The following SCRIB variants were observed in gnomAD, a reference collection of about 807,000 sequenced individuals.
The protein encoded by SCRIB is scribble planar cell polarity protein, also known as protein scribble homolog.
In SCRIB, 72 loss-of-function variants were observed where a neutral mutation model predicts 170.0. The ratio of observed to expected loss-of-function variants is 0.42; its 90% CI spans 0.35 to 0.52. The LOEUF (loss-of-function observed/expected upper bound fraction) is 0.52, where lower values mean the gene tolerates loss of function less well. SCRIB is among the 20% of genes least tolerant of loss of function. The pLI is 0.02. For missense variants in SCRIB, 2,475 were observed against 2,338.5 expected, an observed-to-expected ratio of 1.06 and a Z score of -1.20; for synonymous variants, 1,298 against 1,044.3, an observed-to-expected ratio of 1.24 and a Z score of -4.68.
chr8:143,815,758 T>G lies in SCRIB; in HGVS notation c.-386A>C, dbSNP rs1222812293. The G allele has an allele frequency of 1.0e-6, 1 of 983,286 alleles. No homozygotes were observed. The highest frequency in any genetic ancestry group is 1.8e-5 in the African/African-American group (1 of 56,658). 60.9% of individuals were successfully genotyped at this position (983,286 alleles called of 1,614,324 possible). A position where few individuals can be genotyped will look rare whatever the true frequency, so the allele number is the denominator to read the frequency against. On this transcript the variant is annotated 5_prime_UTR_variant, in exon 1 of 37. Coordinates refer to ENST00000356994, the MANE Select transcript of SCRIB (RefSeq NM_182706.5). ...ACCCACCCGGCCGCCGCGCAGCCCG[T>G]CGGGAAGCCGAGTCCGGCCCTCGCC...
chr8:143,793,600 A>C, intron 28 of SCRIB: 1 of 398,478 alleles, frequency 2.5e-6, no homozygotes, highest in East Asian at 3.9e-5. Context: ...GCAGGCAGGG[A>C]TAAGGTGGGC....
At position 143,792,572 on chromosome 8, in the gene SCRIB, G is replaced by A. The variant is rs781954662; in HGVS notation, c.4241C>T (p.Ala1414Val). Residue 1414 changes from alanine to valine, a missense_variant, in exon 31 of 37, where the codon GCG becomes GTG. By Grantham distance (64) the Ala-to-Val change is moderately conservative. Transcript: ENST00000356994. ...LREAAEAGAE[A>V]RLALDGETLG... ...CGTCTCCCCGTCCAGGGCGAGCCTC[G>A]CTTCGGCCCCAGCCTCTGCCGCCTC... 17 of 1,577,704 alleles carry A rather than the reference G, an allele frequency of 1.1e-5. No individual in the cohort carries two copies. The highest frequency in any genetic ancestry group is 6.8e-5 in the East Asian group (3 of 43,814).
chr8:143,803,082 T>G (rs1204220984), intron 24 of SCRIB, among the ~76,000 whole-genome samples: 2 of 152,156 alleles, frequency 1.3e-5, no homozygotes, highest in African/African-American at 4.8e-5. Flanking sequence ...GTGCTCAGCT[T>G]CTTTTAGGAC....
chr8:143,792,599 C>A lies in SCRIB; in HGVS notation c.4214G>T (p.Arg1405Leu). The change falls in exon 31 of 37, where the codon CGG becomes CTG. Residue 1405 changes from arginine to leucine, a missense_variant. By Grantham distance (102) the Arg-to-Leu change is moderately radical. Transcript: ENST00000356994. Reference sequence around the variant, plus strand: ...TTCGGCCCCAGCCTCTGCCGCCTCCCGCAGCATCTGCGCTCTCTTCTGCTG... The same window carrying A: ...TTCGGCCCCAGCCTCTGCCGCCTCCAGCAGCATCTGCGCTCTCTTCTGCTG... ...KLQQKRAQML[R>L]EAAEAGAEAR... 1 of 1,590,732 alleles carries A rather than the reference C, an allele frequency of 6.3e-7. No homozygotes were observed. Among genetic ancestry groups the A allele is most frequent in the East Asian group, 2.2e-5 (1 of 44,502 alleles).
At chr8:143,791,952 C>T (rs781925289) in intron 33 of SCRIB, 39 bp from the exon 34 acceptor site, 134 of 1,493,374 alleles carry the variant, frequency 9.0e-5, no homozygotes, top group South Asian at 1.8e-4. Flanking sequence ...GCAGCCCATG[C>T]GGCAGGCTGA....
In SCRIB at chr8:143,803,905, C is replaced by T. The variant is rs1554635662; in HGVS notation, c.3156G>A (p.Leu1052=). The T allele has an allele frequency of 1.9e-6, 3 of 1,590,642 alleles. No individual in the cohort carries two copies. The highest frequency in any genetic ancestry group is 1.8e-5 in the Admixed American group (1 of 55,826). The change falls in exon 23 of 37, where the codon CTG becomes CTA. Residue 1052 remains leucine (L), a synonymous_variant. Transcript: ENST00000356994. ...LPRGLAARSG[L]RVGDRILAVN... Reference sequence around the variant, plus strand: ...CTGCCAGGATGCGGTCCCCAACCCGCAGGCCGCTGCGAGCGGCCAGGCCCC... The same window carrying T: ...CTGCCAGGATGCGGTCCCCAACCCGTAGGCCGCTGCGAGCGGCCAGGCCCC...
In SCRIB at chr8:143,812,806, G is replaced by A. The variant is rs866052462; in HGVS notation, c.787+11C>T. 25 of 1,596,154 alleles carry A rather than the reference G, an allele frequency of 1.6e-5. No homozygotes were observed. Among genetic ancestry groups the A allele is most frequent in the East Asian group, 2.2e-5 (1 of 44,782 alleles). ...CGTGTGCCCCACCCAGGCACCCCCA[G>A]GCACACTAACCGATGCCGTCGGGCA... On this transcript the variant is annotated intron_variant, in intron 8 of 36. Transcript: ENST00000356994.
chr8:143,794,131 G>A lies in SCRIB; in HGVS notation c.3847-169C>T, dbSNP rs531426216. 1.3e-5 allele frequency: 8 copies of A among 621,260 alleles called. No individual in the cohort carries two copies. In the Admixed American group the frequency reaches 1.4e-4, roughly 11 times the overall value. 38.5% of individuals were successfully genotyped at this position (621,260 alleles called of 1,614,324 possible). A position where few individuals can be genotyped will look rare whatever the true frequency, so the allele number is the denominator to read the frequency against. ...ACACTCGGTCAGCACGGAGGGGCTCGTCCCCGTTCCCACAGGATGCGGGGG... is the reference window on the plus strand; with the variant it reads ...ACACTCGGTCAGCACGGAGGGGCTCATCCCCGTTCCCACAGGATGCGGGGG... On this transcript the variant is annotated intron_variant, in intron 27 of 36. Coordinates refer to ENST00000356994, the MANE Select transcript of SCRIB (RefSeq NM_182706.5).
In SCRIB at chr8:143,812,899, C is replaced by A; in HGVS notation, c.705G>T (p.Leu235=). The A allele has an allele frequency of 1.2e-6, 2 of 1,611,528 alleles. No individual in the cohort carries two copies. Among genetic ancestry groups the A allele is most frequent in the South Asian group, 2.2e-5 (2 of 91,060 alleles). ...GCACCAGCCCGCCGAGCTCAGCAGGCAGCTCCTCCAGCCGGTTTTCCGACA... is the reference window on the plus strand; with the variant it reads ...GCACCAGCCCGCCGAGCTCAGCAGGAAGCTCCTCCAGCCGGTTTTCCGACA... ...LDVSENRLEE[L]PAELGGLVLL... The change falls in exon 8 of 37, where the codon CTG becomes CTT. Residue 235 remains leucine, a synonymous_variant. Transcript: ENST00000356994.
chr8:143,791,353 C>G, intron 36 of SCRIB, 36 bp downstream of exon 36: 1 of 1,598,816 alleles, frequency 6.3e-7, no homozygotes, highest in Non-Finnish European at 8.5e-7. Flanking sequence ...GGCAGCTGGG[C>G]TCCTGGGAGC....
rs782668363 is a variant in SCRIB at position 143,792,116 on chromosome 8, T to C, written c.4532A>G (p.Gln1511Arg). ...WRAARMKSLE[Q>R]DALRAQMVLS... ...GACCATCTGTGCTCGGAGAGCGTCC[T>C]GTTCCAATGACTTCATCCTGCAGAG... The change falls in exon 33 of 37, where the codon CAG (glutamine) becomes CGG (arginine). Residue 1511 changes from glutamine (Q) to arginine (R), a missense_variant. Around this residue, in one of 3 missense-constraint regions of SCRIB, gnomAD observed 1,966 missense variants for 1,742.9 expected, o/e 1.13. Coordinates refer to ENST00000356994, the MANE Select transcript of SCRIB (RefSeq NM_182706.5). 4 of 1,580,016 alleles carry C rather than the reference T, an allele frequency of 2.5e-6. No homozygotes were observed. The highest frequency in any genetic ancestry group is 3.4e-6 in the Non-Finnish European group (4 of 1,169,868).
Position 143,808,704 on chromosome 8 carries a change from C to T in SCRIB, c.2020G>A (p.Glu674Lys). Residue 674 changes from glutamate (E) to lysine (K), a missense_variant, in exon 15 of 37, where the codon GAA becomes AAA. By Grantham distance (56) the Glu-to-Lys change is moderately conservative (BLOSUM62 1). Coordinates refer to ENST00000356994, the MANE Select transcript of SCRIB (RefSeq NM_182706.5). ...GCCCTGTTTTCCTCCTCCTCCTCTT[C>T]CTCCTCCTCCTGAGGACTACCCTCT... ...EEEGSPQEEE[E>K]EEEEENRAEE... The T allele has an allele frequency of 1.3e-6, 2 of 1,557,902 alleles. No individual in the cohort carries two copies. The highest frequency in any genetic ancestry group is 1.7e-6 in the Non-Finnish European group (2 of 1,153,428).
Position 143,811,299 on chromosome 8 carries a change from T to G in SCRIB, c.953A>C (p.Asn318Thr). 1 of 1,612,722 alleles carries G rather than the reference T, an allele frequency of 6.2e-7. No homozygotes were observed. Among genetic ancestry groups the G allele is most frequent in the Non-Finnish European group, 8.5e-7 (1 of 1,179,858 alleles). ...LGKLTKLTNL[N>T]VDRNHLEALP... ...CGCCTCGAGGTGGTTCCGGTCCACG[T>G]TGAGGTTGGTCAGCTTAGTCAGCTT... is the stretch of plus-strand genomic sequence containing the variant. Residue 318 changes from asparagine to threonine, a missense_variant, in exon 10 of 37, where the codon AAC (asparagine) becomes ACC (threonine). Transcript: ENST00000356994.
intron 27 of SCRIB, 78 bp from the exon 28 acceptor site, chr8:143,794,040 G>GTC: frequency 7.0e-7 from 1 of 1,434,364 alleles, no homozygotes; most frequent in Non-Finnish European, 9.7e-7. Context: ...GGGCCCTGGG[G>GTC]CTTGCCTAAA....
intron 27 of SCRIB, 59 bp downstream of exon 27, chr8:143,794,979 G>A: frequency 3.3e-6 from 5 of 1,533,006 alleles, no homozygotes; most frequent in Non-Finnish European, 3.6e-6. Flanking sequence ...TTGTCCTGGG[G>A]TGGCCGATGA....
chr8:143,804,595 G>C lies in SCRIB; in HGVS notation c.2982C>G (p.Ala994=). The stretch of plus-strand genomic sequence containing the variant: ...CCACTGGGTATGGCCCTTCCAACGC[G>C]GCAGCCAGCAGGCTGGGGGCCAGGC... ...LPSLAPSLLA[A]ALEGPYPVEE... is the part of the protein sequence containing the mutation. The change falls in exon 21 of 37, where the codon GCC becomes GCG. Residue 994 remains alanine (A), a synonymous_variant. Transcript: ENST00000356994. 1 of 1,514,350 alleles carries C rather than the reference G, an allele frequency of 6.6e-7. No homozygotes were observed. Among genetic ancestry groups the C allele is most frequent in the Non-Finnish European group, 8.8e-7 (1 of 1,135,366 alleles). The allele number at this position is 1,514,350 out of a possible 1,614,324, so 93.8% of individuals were successfully genotyped here. A position where few individuals can be genotyped will look rare whatever the true frequency, so the allele number is the denominator to read the frequency against.
At chr8:143,809,437 T>C in intron 14 of SCRIB, 114 bp downstream of exon 14, 1 of 1,216,298 alleles carries the variant, frequency 8.2e-7, no homozygotes, top group South Asian at 1.4e-5. Flanking sequence ...CCCCGAAGCA[T>C]CAGCAGGGCC....
At position 143,813,097 on chromosome 8, in the gene SCRIB, G is replaced by C; in HGVS notation, c.575C>G (p.Thr192Ser). The change falls in exon 7 of 37, where the codon ACT (threonine) becomes AGT (serine). Residue 192 changes from threonine to serine, a missense_variant. Thr to Ser is a moderately conservative substitution (Grantham distance 58). Coordinates refer to ENST00000356994, the MANE Select transcript of SCRIB (RefSeq NM_182706.5). ...GGNDLEVLPD[T>S]LGALPNLREL... ...CCGAAGATTGGGCAGAGCCCCCAGA[G>C]TGTCTGGCTGCAAGAAGGAACAGAG... 1 of 1,576,974 alleles carries C rather than the reference G, an allele frequency of 6.3e-7. No individual in the cohort carries two copies. The highest frequency in any genetic ancestry group is 8.6e-7 in the Non-Finnish European group (1 of 1,159,606).
chr8:143,800,313 C>T (rs1815122363), intron 24 of SCRIB, among the ~76,000 whole-genome samples: 1 of 152,138 alleles, frequency 6.6e-6, no homozygotes, highest in East Asian at 1.9e-4. Context: ...TAGAAACAGC[C>T]CCCCCTCCAT....
Sources: allele counts gnomAD v4.1 joint callset (sites outside exome capture counted in the v4.1 genomes callset), GRCh38; gene constraint gnomAD v4.1.1; regional missense constraint gnomAD v4.1.1; transcripts MANE v1.5; gene names NCBI Gene and HGNC (gene_info 2026-07-23, HGNC 2026-07-21).